FBXL17: variants seen among roughly 807,000 people sequenced by gnomAD.
The protein encoded by FBXL17 is F-box/LRR-repeat protein 17.
FBXL17 carries 22 observed loss-of-function variants against 66.2 expected under a neutral mutation model. That is an observed-to-expected ratio of 0.33 (90% CI 0.24 to 0.47). The LOEUF (loss-of-function observed/expected upper bound fraction) is 0.47. Among genes scored for constraint, FBXL17 ranks in the 20% least tolerant of loss-of-function variants. FBXL17 has a pLI of 1.00. For missense variants in FBXL17, 878 were observed against 948.2 expected (o/e 0.93, Z 0.97); for synonymous variants, 474 against 400.5 (o/e 1.18, Z -2.19).
intron 6 of FBXL17, among the ~76,000 whole-genome samples, chr5:108,081,604 T>A (rs1386320113): frequency 6.6e-6 from 1 of 151,926 alleles, no homozygotes. Context: ...GCGTCTGTAG[T>A]CCCAGCTACT....
chr5:108,086,286 T>C (rs1229412328), intron 6 of FBXL17, among the ~76,000 whole-genome samples: 2 of 152,144 alleles, frequency 1.3e-5, no homozygotes, highest in East Asian at 1.9e-4. Context: ...GAAAAAATGG[T>C]ACACAAAGAG....
At chr5:108,104,975 G>A (rs1327731420) in intron 6 of FBXL17, among the ~76,000 whole-genome samples, 2 of 152,066 alleles carry the variant, frequency 1.3e-5, no homozygotes, top group Non-Finnish European at 2.9e-5. Context: ...CTGAGTAGCT[G>A]GGACTACAGG....
At chr5:108,231,256 C>T (rs866232332) in intron 4 of FBXL17, among the ~76,000 whole-genome samples, 2 of 152,162 alleles carry the variant, frequency 1.3e-5, no homozygotes, top group African/African-American at 4.8e-5. Flanking sequence ...ATCATCACCA[C>T]AATCCAGTTT....
At chr5:108,091,762 T>G (rs1749195661) in intron 6 of FBXL17, among the ~76,000 whole-genome samples, 1 of 152,190 alleles carries the variant, frequency 6.6e-6, no homozygotes, top group Non-Finnish European at 1.5e-5. Flanking sequence ...AGAAGTGAAT[T>G]TTTAACTTAA....
intron 4 of FBXL17, among the ~76,000 whole-genome samples, chr5:108,255,377 A>T (rs1448453480): frequency 2.6e-5 from 4 of 152,116 alleles, no homozygotes; most frequent in Non-Finnish European, 5.9e-5. Flanking sequence ...AAATCTAAAA[A>T]CTGACATGAT....
chr5:107,959,086 C>T (rs528556067), intron 7 of FBXL17, among the ~76,000 whole-genome samples: 11 of 152,176 alleles, frequency 7.2e-5, no homozygotes, highest in East Asian at 1.9e-4. Flanking sequence ...TTCTCTTACA[C>T]GCACCACACG....
At chr5:107,889,713 G>T (rs920808389) in intron 7 of FBXL17, among the ~76,000 whole-genome samples, 2 of 152,184 alleles carry the variant, frequency 1.3e-5, no homozygotes, top group Non-Finnish European at 2.9e-5. Context: ...GAACAAGTTG[G>T]TGGAAAAGTC....
intron 4 of FBXL17, among the ~76,000 whole-genome samples, chr5:108,331,730 A>G (rs1304953508): frequency 1.3e-5 from 2 of 152,216 alleles, no homozygotes; most frequent in African/African-American, 4.8e-5. Flanking sequence ...ATGGCTAGAC[A>G]TTCCTGACCA....
chr5:108,028,401 A>C (rs1754908452), intron 6 of FBXL17, among the ~76,000 whole-genome samples: 1 of 152,302 alleles, frequency 6.6e-6, no homozygotes, highest in Non-Finnish European at 1.5e-5. Flanking sequence ...TTGATATGAA[A>C]GTCTCAGTTC....
intron 1 of FBXL17, among the ~76,000 whole-genome samples, chr5:108,369,568 C>G (rs965591510): frequency 2.0e-5 from 3 of 151,940 alleles, no homozygotes; most frequent in Non-Finnish European, 4.4e-5. Context: ...TTCTATAAAT[C>G]TGAATGTATT....
chr5:108,318,452 G>A (rs1246614232), intron 4 of FBXL17, among the ~76,000 whole-genome samples: 1 of 151,568 alleles, frequency 6.6e-6, no homozygotes, highest in African/African-American at 2.4e-5. Context: ...TAAAAAACAT[G>A]TATACAGGAA....
At chr5:108,266,414 T>C (rs1451967844) in intron 4 of FBXL17, among the ~76,000 whole-genome samples, 1 of 152,130 alleles carries the variant, frequency 6.6e-6, no homozygotes, top group Non-Finnish European at 1.5e-5. Context: ...CATAAATCAT[T>C]CCTTTGTCCA....
At chr5:108,243,679 A>G (rs1379880351) in intron 4 of FBXL17, among the ~76,000 whole-genome samples, 4 of 152,342 alleles carry the variant, frequency 2.6e-5, no homozygotes, top group Admixed American at 2.6e-4. Flanking sequence ...ATTTCTAAAT[A>G]AGATATTTAA....
In FBXL17 at chr5:107,909,577, G is replaced by C. The variant is rs546270428; in HGVS notation, c.1823-28398C>G. 3.9e-4 allele frequency among the ~76,000 whole-genome samples: 59 copies of C among 152,246 alleles called. No homozygotes were observed. In the South Asian group the frequency reaches 0.011, roughly 29 times the overall value. On this transcript the variant is annotated intron_variant, in intron 7 of 8. Transcript: ENST00000542267. ...GCCCCTAAACTAAAATATTTCTTCA[G>C]CCTATCCTGCATCATAAGCTTAAGT...
At chr5:107,924,165 G>T (rs563106889) in intron 7 of FBXL17, among the ~76,000 whole-genome samples, 1 of 151,256 alleles carries the variant, frequency 6.6e-6, no homozygotes, top group African/African-American at 2.4e-5. Flanking sequence ...GACTACAGGG[G>T]TGAGCCACTA....
chr5:107,881,116 T>C lies in FBXL17; in HGVS notation c.1886A>G (p.Glu629Gly). 6.2e-7 allele frequency: 1 copy of C among 1,614,070 alleles called. No individual in the cohort carries two copies. The highest frequency in any genetic ancestry group is 8.5e-7 in the Non-Finnish European group (1 of 1,179,954). ...CAGGGTGGCTCCTTGGTCTGTGATT[T>C]CTTTACACCATCCGACATCCACAGT... Reference protein sequence around the residue: ...IETVDVGWCKEITDQGATLIA... With the variant: ...IETVDVGWCKGITDQGATLIA... The change falls in exon 8 of 9, where the codon GAA (glutamate) becomes GGA (glycine). Residue 629 changes from glutamate to glycine, a missense_variant. Transcript: ENST00000542267.
Position 108,160,159 on chromosome 5 carries a change from G to C in FBXL17, c.1745+25958C>G, listed in dbSNP as rs573392030. Reference sequence around the variant, plus strand: ...ACAAAACCCAGATCTTAAAATTTATGATGAGCCACAATGAAAAGACATACA... The same window carrying C: ...ACAAAACCCAGATCTTAAAATTTATCATGAGCCACAATGAAAAGACATACA... On this transcript the variant is annotated intron_variant, in intron 6 of 8. Transcript: ENST00000542267. Among the ~76,000 whole-genome samples the C allele has an allele frequency of 1.1e-4, 17 of 152,278 alleles. No individual in the cohort carries two copies. In the East Asian group the frequency reaches 1.5e-3, roughly 14 times the overall value.
intron 4 of FBXL17, among the ~76,000 whole-genome samples, chr5:108,291,846 G>A (rs1304291179): frequency 6.6e-6 from 1 of 152,076 alleles, no homozygotes; most frequent in Non-Finnish European, 1.5e-5. Flanking sequence ...AAAACATTCT[G>A]AACCCAATGC....
At chr5:108,100,541 G>A (rs1052135877) in intron 6 of FBXL17, among the ~76,000 whole-genome samples, 1 of 152,034 alleles carries the variant, frequency 6.6e-6, no homozygotes, top group African/African-American at 2.4e-5. Flanking sequence ...CATAATGTAG[G>A]TTCTTGATCA....
Sources: allele counts gnomAD v4.1 joint callset (sites outside exome capture counted in the v4.1 genomes callset), GRCh38; gene constraint gnomAD v4.1.1; transcripts MANE v1.5; gene names NCBI Gene and HGNC (gene_info 2026-07-23, HGNC 2026-07-21).